Variants in TENM2 observed in about 807,000 individuals in gnomAD.
TENM2 encodes teneurin-2.
In TENM2, 52 loss-of-function variants were observed where a neutral mutation model predicts 245.2. The observed-to-expected ratio is 0.21, with a 90% CI of 0.17 to 0.27. The LOEUF is 0.27. Ranked by LOEUF, TENM2 falls within the 10% of genes least tolerant of loss-of-function variation. The probability of loss-of-function intolerance (pLI) is 1.00; values close to 1 mark genes in which losing one functional copy is unlikely to be tolerated. For missense variants in TENM2, 3,046 were observed against 3,666.8 expected (o/e 0.83, Z 4.37); for synonymous variants, 1,363 against 1,438.9 (o/e 0.95, Z 1.19).
chr5:167,400,715 A>C (rs1762317268), intron 2 of TENM2, among the ~76,000 whole-genome samples: 2 of 152,102 alleles, frequency 1.3e-5, no homozygotes, highest in Admixed American at 6.6e-5. Flanking sequence ...AAGGAAGGTG[A>C]GTCAGTGGAA....
At chr5:167,667,875 T>G (rs1755673938) in intron 2 of TENM2, among the ~76,000 whole-genome samples, 1 of 152,194 alleles carries the variant, frequency 6.6e-6, no homozygotes, top group Admixed American at 6.5e-5. Flanking sequence ...ATATCTCAGT[T>G]TCTCTGTCTG....
intron 2 of TENM2, among the ~76,000 whole-genome samples, chr5:167,766,834 G>A (rs532289619): frequency 1.1e-4 from 17 of 152,118 alleles, no homozygotes; most frequent in Admixed American, 2.6e-4. Flanking sequence ...AGCCAAGATC[G>A]TGCCACTACA....
At chr5:168,137,911 A>C (rs1755199227) in intron 12 of TENM2, among the ~76,000 whole-genome samples, 1 of 152,178 alleles carries the variant, frequency 6.6e-6, no homozygotes, top group African/African-American at 2.4e-5. Flanking sequence ...CTGATACAGG[A>C]AGTGTTATCG....
At chr5:168,008,103 AAGG>A (rs1456354703) in intron 5 of TENM2, among the ~76,000 whole-genome samples, 2 of 152,220 alleles carry the variant, frequency 1.3e-5, no homozygotes, top group Non-Finnish European at 2.9e-5. Flanking sequence ...GAGTTCAGAG[AAGG>A]GAGAAACTCC....
chr5:167,017,019 T>C, the TENM2 span, among the ~76,000 whole-genome samples: 44 of 152,332 alleles, frequency 2.9e-4, no homozygotes, highest in East Asian at 7.9e-3. Context: ...GGAATTACTA[T>C]AACTTTATAC....
At chr5:168,103,943 C>T (rs901010650) in intron 9 of TENM2, among the ~76,000 whole-genome samples, 1 of 152,204 alleles carries the variant, frequency 6.6e-6, no homozygotes, top group Admixed American at 6.5e-5. Flanking sequence ...TCCTGCTCCC[C>T]AGAACAGGGC....
chr5:167,972,138 G>C (rs1781838951), intron 4 of TENM2, among the ~76,000 whole-genome samples: 1 of 152,186 alleles, frequency 6.6e-6, no homozygotes, highest in South Asian at 2.1e-4. Flanking sequence ...ATTGTAGAAT[G>C]TACACATTCT....
chr5:167,872,104 G>C (rs558320102), intron 2 of TENM2, among the ~76,000 whole-genome samples: 1 of 151,836 alleles, frequency 6.6e-6, no homozygotes, highest in South Asian at 2.1e-4. Flanking sequence ...ACCAGCCTGG[G>C]CAACATAGTG....
chr5:168,235,778 GC>G (rs1364746393), intron 25 of TENM2, among the ~76,000 whole-genome samples: 2 of 151,406 alleles, frequency 1.3e-5, no homozygotes, highest in African/African-American at 2.4e-5. Flanking sequence ...CTGCACTCCA[GC>G]CTGGGTGACA....
the TENM2 span, among the ~76,000 whole-genome samples, chr5:167,122,187 T>A: frequency 6.6e-6 from 1 of 152,136 alleles, no homozygotes; most frequent in East Asian, 1.9e-4. Flanking sequence ...CCTAGAACCT[T>A]TGATTTTTGA....
chr5:167,459,578 A>G (rs1188465402), intron 2 of TENM2, among the ~76,000 whole-genome samples: 1 of 152,198 alleles, frequency 6.6e-6, no homozygotes, highest in Non-Finnish European at 1.5e-5. Context: ...TTAATTTTTT[A>G]AGGAATCGTC....
the TENM2 span, among the ~76,000 whole-genome samples, chr5:167,181,832 A>T: frequency 6.6e-6 from 1 of 152,178 alleles, no homozygotes; most frequent in African/African-American, 2.4e-5. Flanking sequence ...CTTTGTTATG[A>T]AACTTAAGAA....
At chr5:167,154,587 T>C in the TENM2 span, among the ~76,000 whole-genome samples, 2 of 152,222 alleles carry the variant, frequency 1.3e-5, no homozygotes, top group African/African-American at 2.4e-5. Context: ...CATGATGTTT[T>C]TCAAAAACAA....
the TENM2 span, among the ~76,000 whole-genome samples, chr5:167,196,184 T>C: frequency 2.0e-5 from 3 of 152,022 alleles, no homozygotes; most frequent in African/African-American, 7.2e-5. Flanking sequence ...GCAATTGTAA[T>C]ACAATGACAA....
intron 7 of TENM2, among the ~76,000 whole-genome samples, chr5:168,090,218 C>CCCCACA (rs1792808216): frequency 1.5e-5 from 2 of 136,722 alleles, no homozygotes; most frequent in African/African-American, 2.8e-5. Flanking sequence ...ACTCCCCCCA[C>CCCCACA]CACACACACA....
chr5:167,100,307 G>C, the TENM2 span, among the ~76,000 whole-genome samples: 2 of 152,180 alleles, frequency 1.3e-5, no homozygotes, highest in Non-Finnish European at 2.9e-5. Flanking sequence ...AATTCCTGTA[G>C]ATCAGATGCC....
chr5:167,049,158 A>G, the TENM2 span, among the ~76,000 whole-genome samples: 2 of 152,340 alleles, frequency 1.3e-5, no homozygotes, highest in South Asian at 4.1e-4. Flanking sequence ...TAAGCTACAT[A>G]GTAATTTATT....
chr5:166,995,587 A>G, the TENM2 span, among the ~76,000 whole-genome samples: 1 of 151,982 alleles, frequency 6.6e-6, no homozygotes, highest in Non-Finnish European at 1.5e-5. Flanking sequence ...AGTTAGGAGC[A>G]GGCGGATCAC....
At chr5:167,920,515 T>TCTCACACACACA (rs374313857) in intron 3 of TENM2, among the ~76,000 whole-genome samples, 1 of 129,456 alleles carries the variant, frequency 7.7e-6, no homozygotes, top group Non-Finnish European at 1.6e-5. Flanking sequence ...CGAAACTCCA[T>TCTCACACACACA]CACACACACA....
Sources: allele counts gnomAD v4.1 joint callset (sites outside exome capture counted in the v4.1 genomes callset), GRCh38; gene constraint gnomAD v4.1.1; transcripts MANE v1.5; gene names NCBI Gene and HGNC (gene_info 2026-07-23, HGNC 2026-07-21).